Variants in DZIP3 observed in about 807,000 individuals in gnomAD.
DZIP3 encodes the protein E3 ubiquitin-protein ligase DZIP3.
In DZIP3, 118 loss-of-function variants were observed where a neutral mutation model predicts 162.0. That is an observed-to-expected ratio of 0.73 (90% confidence interval 0.63 to 0.85). DZIP3 has a LOEUF of 0.85. Among genes scored for constraint, DZIP3 ranks in the 40% least tolerant of loss-of-function variants. DZIP3 has a pLI of 0.00. For missense variants in DZIP3, 1,331 were observed against 1,407.0 expected, an observed-to-expected ratio of 0.95 and a Z score of 0.86; for synonymous variants, 438 against 458.6, an observed-to-expected ratio of 0.96 and a Z score of 0.57.
intron 21 of DZIP3, 135 bp downstream of exon 21, chr3:108,662,392 T>A: frequency 9.0e-7 from 1 of 1,108,842 alleles, no homozygotes; most frequent in Non-Finnish European, 1.2e-6. Flanking sequence ...TGCACTTGTT[T>A]AAAAACCAAC....
At chr3:108,655,522 C>T (rs1213985879) in intron 19 of DZIP3, among the ~76,000 whole-genome samples, 1 of 152,038 alleles carries the variant, frequency 6.6e-6, no homozygotes, top group Non-Finnish European at 1.5e-5. Flanking sequence ...GGGGGTGGAG[C>T]CAAGATGGCT....
chr3:108,649,380 G>C (rs1243563424), intron 17 of DZIP3, among the ~76,000 whole-genome samples: 1 of 151,764 alleles, frequency 6.6e-6, no homozygotes, highest in Non-Finnish European at 1.5e-5. Context: ...CTATGCCAAA[G>C]ATGCAATAAT....
chr3:108,622,943 T>A (rs1941433591), intron 5 of DZIP3, among the ~76,000 whole-genome samples: 1 of 149,430 alleles, frequency 6.7e-6, no homozygotes, highest in Non-Finnish European at 1.5e-5. Context: ...AGCATTCTTG[T>A]GGCCACGACC....
At chr3:108,640,353 A>G (rs1470961052) in intron 12 of DZIP3, among the ~76,000 whole-genome samples, 1 of 147,060 alleles carries the variant, frequency 6.8e-6, no homozygotes, top group Non-Finnish European at 1.5e-5. Flanking sequence ...TTGTATATCT[A>G]GAAACTCTTA....
chr3:108,600,127 A>G (rs549486491), intron 1 of DZIP3, among the ~76,000 whole-genome samples: 1 of 152,230 alleles, frequency 6.6e-6, no homozygotes, highest in African/African-American at 2.4e-5. Flanking sequence ...TAGCATCTTG[A>G]TGTGTCAACT....
At position 108,690,710 on chromosome 3, in the gene DZIP3, A is replaced by C. The variant is rs1020800742; in HGVS notation, c.3517-77A>C. ...TCCACCAGAAGACATGTTGGTTGGT[A>C]ACCCTGATGCATAGAGTGACAACTG... is the stretch of plus-strand genomic sequence containing the variant. On this transcript the variant is annotated intron_variant, in intron 31 of 32. Transcript: ENST00000361582. 7 of 1,307,620 alleles carry C rather than the reference A, an allele frequency of 5.4e-6. No individual in the cohort carries two copies. In the African/African-American group the frequency reaches 1.0e-4, roughly 19 times the overall value. 81.0% of individuals were successfully genotyped at this position (1,307,620 alleles called of 1,614,324 possible).
intron 12 of DZIP3, among the ~76,000 whole-genome samples, chr3:108,640,778 C>A (rs932869449): frequency 6.6e-6 from 1 of 151,956 alleles, no homozygotes; most frequent in Admixed American, 6.6e-5. Context: ...AATATTCTTG[C>A]CTTAAGTGTT....
intron 4 of DZIP3, among the ~76,000 whole-genome samples, chr3:108,614,954 C>T (rs1416131378): frequency 6.6e-6 from 1 of 152,172 alleles, no homozygotes; most frequent in African/African-American, 2.4e-5. Flanking sequence ...TAAACTATTT[C>T]CATTGAAATC....
chr3:108,688,821 A>G lies in DZIP3; in HGVS notation c.3415-2A>G. ...ATTTAACATTTTCTGTATTTTCCCT[A>G]GGATGAGGAAGAGGAAGAAGAAGAG... is the stretch of plus-strand genomic sequence containing the variant. On this transcript the variant is annotated splice_acceptor_variant, in intron 30 of 32. Transcript: ENST00000361582. LOFTEE classifies it high-confidence loss of function. 1.2e-6 allele frequency: 2 copies of G among 1,614,144 alleles called. No individual in the cohort carries two copies. Among genetic ancestry groups the G allele is most frequent in the Non-Finnish European group, 1.7e-6 (2 of 1,180,000 alleles).
chr3:108,641,110 A>G (rs1298368023), intron 12 of DZIP3, among the ~76,000 whole-genome samples: 1 of 152,038 alleles, frequency 6.6e-6, no homozygotes, highest in Non-Finnish European at 1.5e-5. Context: ...AGGACTTACA[A>G]TACATATTTT....
Position 108,654,311 on chromosome 3 carries a change from G to A in DZIP3, c.2199+1G>A, listed in dbSNP as rs1943011582. 1.2e-6 allele frequency: 2 copies of A among 1,613,374 alleles called. No individual in the cohort carries two copies. Among genetic ancestry groups the A allele is most frequent in the Non-Finnish European group, 1.7e-6 (2 of 1,179,558 alleles). On this transcript the variant is annotated splice_donor_variant, in intron 19 of 32. Transcript: ENST00000361582. LOFTEE classifies it high-confidence loss of function. ...GCATATTCTGGACATGATAGAGCAG[G>A]TAAGCATGATTAGAGAGGGTGCCTG...
At chr3:108,636,522 A>G (rs1418836318) in intron 10 of DZIP3, 94 bp from the exon 11 acceptor site, 9 of 789,804 alleles carry the variant, frequency 1.1e-5, no homozygotes, top group Non-Finnish European at 1.7e-5. Flanking sequence ...ACTGTCTAGC[A>G]ACATTTGCTT....
At chr3:108,666,867 C>T (rs904847466) in intron 21 of DZIP3, among the ~76,000 whole-genome samples, 1 of 152,000 alleles carries the variant, frequency 6.6e-6, no homozygotes, top group Non-Finnish European at 1.5e-5. Context: ...AAAATTTGTG[C>T]CACATAGCTG....
chr3:108,601,234 C>T (rs1375177288), intron 1 of DZIP3, among the ~76,000 whole-genome samples: 5 of 151,962 alleles, frequency 3.3e-5, no homozygotes, highest in Non-Finnish European at 7.4e-5. Context: ...CGTTGATTGC[C>T]ACAATGGGGC....
chr3:108,635,457 T>G lies in DZIP3; in HGVS notation c.918+485T>G, dbSNP rs145176339. The G allele has an allele frequency of 5.3e-3, 1,022 of 191,412 alleles. 11 individuals are homozygous for G. Among genetic ancestry groups the G allele is most frequent in the African/African-American group, 0.023 (970 of 41,510 alleles). 11.9% of individuals were successfully genotyped at this position (191,412 alleles called of 1,614,324 possible). On this transcript the variant is annotated intron_variant, in intron 10 of 32. Coordinates refer to ENST00000361582, the MANE Select transcript of DZIP3 (RefSeq NM_014648.4). ...AACTTTTAATATTTACATTTAGTTA[T>G]AATAGTTACATATCATATGTAGTTA...
intron 7 of DZIP3, 71 bp from the exon 8 acceptor site, chr3:108,628,991 G>A: frequency 1.1e-6 from 1 of 916,902 alleles, no homozygotes; most frequent in Non-Finnish European, 1.6e-6. Flanking sequence ...AGGGTTATTT[G>A]TTGTCTCATT....
At chr3:108,629,251 A>G (rs1333895940) in intron 8 of DZIP3, 75 bp downstream of exon 8, 2 of 979,590 alleles carry the variant, frequency 2.0e-6, no homozygotes, top group Non-Finnish European at 3.0e-6. Flanking sequence ...TCTTACAGCA[A>G]GCATGTTCTT....
At chr3:108,658,268 A>G (rs1351740991) in intron 19 of DZIP3, among the ~76,000 whole-genome samples, 1 of 152,230 alleles carries the variant, frequency 6.6e-6, no homozygotes, top group East Asian at 1.9e-4. Context: ...AATGTAAAAG[A>G]ACAGAAATTA....
chr3:108,610,490 C>T (rs1192355625), intron 3 of DZIP3, among the ~76,000 whole-genome samples: 5 of 152,174 alleles, frequency 3.3e-5, no homozygotes, highest in Admixed American at 1.3e-4. Context: ...TGAGTTAGCC[C>T]ATACAAGGGC....
Sources: gnomAD v4.1 joint callset for allele counts (sites outside exome capture counted in the v4.1 genomes callset) on GRCh38, gnomAD v4.1.1 for gene constraint, MANE v1.5 for transcripts, NCBI Gene and HGNC (gene_info 2026-07-23, HGNC 2026-07-21) for gene names.